The following PPP2R2B variants were observed in gnomAD, a reference collection of about 807,000 sequenced individuals.
PPP2R2B encodes the protein serine/threonine-protein phosphatase 2A 55 kDa regulatory subunit B beta isoform.
A neutral mutation model predicts 46.0 loss-of-function variants in PPP2R2B; 5 were observed. The ratio of observed to expected loss-of-function variants is 0.11; its 90% CI spans 0.06 to 0.23. The LOEUF is 0.23. Among genes scored for constraint, PPP2R2B ranks in the 10% least tolerant of loss-of-function variants. PPP2R2B has a pLI of 1.00. For synonymous variants in PPP2R2B, 215 were observed against 206.7 expected (o/e 1.04, Z -0.34); for missense variants, 367 against 575.0 (o/e 0.64, Z 3.70).
intron 7 of PPP2R2B, among the ~76,000 whole-genome samples, chr5:146,618,215 GGTCAAAGTCTGAATAACCGTAT>G (rs921207913): frequency 5.3e-5 from 8 of 152,138 alleles, no homozygotes; most frequent in Non-Finnish European, 1.2e-4. Context: ...AAGGCAAGAG[GGTCAAAGTCTGAATAACCGTAT>G]ATGAGAAAGA....
intron 1 of PPP2R2B, among the ~76,000 whole-genome samples, chr5:146,938,901 C>T (rs557228219): frequency 6.6e-6 from 1 of 151,826 alleles, no homozygotes; most frequent in East Asian, 1.9e-4. Context: ...CTGCCTCAGC[C>T]TCCTGAGTAG....
At chr5:146,726,219 C>G (rs925098940) in intron 2 of PPP2R2B, among the ~76,000 whole-genome samples, 4 of 152,110 alleles carry the variant, frequency 2.6e-5, no homozygotes, top group Admixed American at 2.6e-4. Context: ...AGCCTGGAGC[C>G]AAGCACTTAC....
intron 5 of PPP2R2B, among the ~76,000 whole-genome samples, chr5:146,658,715 G>C (rs1401173025): frequency 6.6e-6 from 1 of 152,154 alleles, no homozygotes; most frequent in African/African-American, 2.4e-5. Context: ...AGATATAGAA[G>C]ATGTACTTTA....
chr5:146,922,876 C>T (rs1763654102), intron 1 of PPP2R2B, among the ~76,000 whole-genome samples: 1 of 152,012 alleles, frequency 6.6e-6, no homozygotes, highest in Non-Finnish European at 1.5e-5. Flanking sequence ...GCTCAGAGAA[C>T]TACGAGGGAA....
chr5:147,049,100 ATGTG>A (rs146878580), intron 1 of PPP2R2B, among the ~76,000 whole-genome samples: 1 of 115,952 alleles, frequency 8.6e-6, no homozygotes, highest in African/African-American at 2.6e-5. Flanking sequence ...GGGAATGAGC[ATGTG>A]TGTGTGTGTG....
intron 2 of PPP2R2B, among the ~76,000 whole-genome samples, chr5:146,859,283 A>T (rs1237660778): frequency 2.0e-5 from 3 of 152,190 alleles, no homozygotes; most frequent in Non-Finnish European, 4.4e-5. Context: ...AGAAATACAA[A>T]ACCCCTCCCA....
chr5:146,637,759 T>G (rs1774914951), intron 7 of PPP2R2B, among the ~76,000 whole-genome samples: 1 of 152,198 alleles, frequency 6.6e-6, no homozygotes, highest in African/African-American at 2.4e-5. Context: ...GCTTTTATGT[T>G]CTCAGCCTCC....
chr5:146,697,639 T>C (rs1415111950), intron 4 of PPP2R2B, among the ~76,000 whole-genome samples: 3 of 152,224 alleles, frequency 2.0e-5, no homozygotes, highest in Non-Finnish European at 4.4e-5. Flanking sequence ...AGACAGCATG[T>C]TGAGTTTCCT....
chr5:146,634,448 C>G (rs956273513), intron 7 of PPP2R2B, among the ~76,000 whole-genome samples: 2 of 152,162 alleles, frequency 1.3e-5, no homozygotes, highest in African/African-American at 4.8e-5. Flanking sequence ...GATGCTCCTG[C>G]CTCAGCCTCC....
rs567817298 is a variant in PPP2R2B, at chr5:147,005,137, G to A, written c.79+50528C>T. 5.9e-5 allele frequency among the ~76,000 whole-genome samples: 9 copies of A among 152,232 alleles called. No individual in the cohort carries two copies. In the East Asian group the frequency reaches 1.7e-3, roughly 29 times the overall value. On this transcript the variant is annotated intron_variant, in intron 1 of 8. Coordinates refer to the PPP2R2B transcript ENST00000336640. ...CTGCCACTTTTCTCCCAGAGGATGGGGAACCAATCAAGCATGACTGCCAAC... is the reference window on the plus strand; with the variant it reads ...CTGCCACTTTTCTCCCAGAGGATGGAGAACCAATCAAGCATGACTGCCAAC...
At chr5:146,787,473 G>A (rs1248908700) in intron 2 of PPP2R2B, among the ~76,000 whole-genome samples, 1 of 152,010 alleles carries the variant, frequency 6.6e-6, no homozygotes, top group African/African-American at 2.4e-5. Flanking sequence ...CAGATCTTGG[G>A]CCACCAGAGC....
intron 7 of PPP2R2B, among the ~76,000 whole-genome samples, chr5:146,615,514 T>TAAAAAAAA (rs1561772287): frequency 1.2e-5 from 1 of 83,254 alleles, no homozygotes; most frequent in African/African-American, 6.4e-5. Flanking sequence ...AAAAAAAAAA[T>TAAAAAAAA]TAAAAAAAAA....
Position 146,902,689 on chromosome 5 carries a change from A to G in PPP2R2B, c.79+152976T>C, listed in dbSNP as rs916945877. ...CCCCACACAAAGATCTGATCAAGCC[A>G]AAAGCCATCTGTGGTTCCCCAGTGC... On this transcript the variant is annotated intron_variant, in intron 1 of 8. Coordinates refer to the PPP2R2B transcript ENST00000336640. Among the ~76,000 whole-genome samples the G allele has an allele frequency of 2.0e-5, 3 of 152,332 alleles. No individual in the cohort carries two copies. In the South Asian group the frequency reaches 6.2e-4, roughly 32 times the overall value.
intron 2 of PPP2R2B, among the ~76,000 whole-genome samples, chr5:146,760,443 T>C (rs1040337468): frequency 2.0e-5 from 3 of 152,160 alleles, no homozygotes; most frequent in African/African-American, 7.2e-5. Context: ...TGTGCTATTA[T>C]GGGATGAAAT....
Position 147,054,467 on chromosome 5 carries a change from A to C in PPP2R2B, c.79+1198T>G, listed in dbSNP as rs544950747. The C allele has an allele frequency of 1.4e-3, 422 of 311,346 alleles. 1 individual carries two copies. Among genetic ancestry groups the C allele is most frequent in the African/African-American group, 9.6e-3 (405 of 42,310 alleles). 19.3% of individuals were successfully genotyped at this position (311,346 alleles called of 1,614,324 possible). A position where few individuals can be genotyped will look rare whatever the true frequency, so the allele number is the denominator to read the frequency against. ...CCTTTTGCCACCAATAAATTTTTAA[A>C]GGGAAATGTCCAACTGTAAAAAAAA... On this transcript the variant is annotated intron_variant, in intron 1 of 8. Coordinates refer to the PPP2R2B transcript ENST00000336640.
At chr5:146,979,400 A>C (rs1753062510) in intron 1 of PPP2R2B, among the ~76,000 whole-genome samples, 1 of 152,196 alleles carries the variant, frequency 6.6e-6, no homozygotes, top group Admixed American at 6.5e-5. Flanking sequence ...TTCCACTAGA[A>C]TATAAACTCT....
At chr5:146,804,781 G>A (rs1757075802) in intron 2 of PPP2R2B, among the ~76,000 whole-genome samples, 1 of 152,254 alleles carries the variant, frequency 6.6e-6, no homozygotes, top group African/African-American at 2.4e-5. Flanking sequence ...CAATGGCCTT[G>A]AAATCAAAGA....
intron 1 of PPP2R2B, among the ~76,000 whole-genome samples, chr5:146,925,397 T>C (rs1174163404): frequency 6.6e-6 from 1 of 152,222 alleles, no homozygotes; most frequent in Non-Finnish European, 1.5e-5. Context: ...TTTTGAAGGA[T>C]AGTTTTGTTA....
chr5:146,870,401 GCT>G (rs1019347004), intron 2 of PPP2R2B, among the ~76,000 whole-genome samples: 4 of 152,094 alleles, frequency 2.6e-5, no homozygotes, highest in East Asian at 1.9e-4. Context: ...CAGAGATTGC[GCT>G]CTCTCTTTTC....
Sources: allele counts gnomAD v4.1 joint callset (sites outside exome capture counted in the v4.1 genomes callset), GRCh38; gene constraint gnomAD v4.1.1; transcripts MANE v1.5; gene names NCBI Gene and HGNC (gene_info 2026-07-23, HGNC 2026-07-21).